The following ZC3H12B variants were observed in gnomAD, a reference collection of about 807,000 sequenced individuals.
ZC3H12B encodes the protein probable ribonuclease ZC3H12B.
Under a neutral mutation model 43.9 loss-of-function variants are expected in ZC3H12B, and 7 were observed. That is an observed-to-expected ratio of 0.16 (90% CI 0.09 to 0.30). The LOEUF is 0.30. ZC3H12B is among the 10% of genes least tolerant of loss of function. ZC3H12B has a pLI of 1.00. For synonymous variants in ZC3H12B, 222 were observed against 241.7 expected (o/e 0.92, Z 0.76); for missense variants, 475 against 670.2 (o/e 0.71, Z 3.22).
chrX:65,302,719 A>AG, the ZC3H12B span, among the ~76,000 whole-genome samples: 2 of 112,064 alleles, frequency 1.8e-5, no homozygotes, highest in African/African-American at 6.5e-5. Context: ...CTGAAGAACA[A>AG]GAAAGTCAGA....
rs914214767 is a variant in ZC3H12B, at chrX:65,420,435, C to A, written n.407+21731C>A. ...TTGTAGAACCTACCAGATAGTCCAC[C>A]CAGAATCTGGATGGGCAGATTGGTG... On this transcript the variant is annotated intron_variant and non_coding_transcript_variant, in intron 3 of 5. Transcript: ENST00000617377. Among the ~76,000 whole-genome samples the A allele has an allele frequency of 4.5e-5, 5 of 112,222 alleles. 1 individual carries two copies. The highest frequency in any genetic ancestry group is 1.6e-4 in the African/African-American group (5 of 30,858).
the ZC3H12B span, among the ~76,000 whole-genome samples, chrX:65,055,990 T>C: frequency 5.4e-5 from 6 of 112,066 alleles, no homozygotes; most frequent in African/African-American, 1.6e-4. Flanking sequence ...TCTTCTTTTT[T>C]AGTCTTGCTA....
chrX:65,093,397 A>G, the ZC3H12B span, among the ~76,000 whole-genome samples: 1 of 111,727 alleles, frequency 9.0e-6, no homozygotes, highest in East Asian at 2.8e-4. Context: ...AGACTCCAGA[A>G]TGGTAGATCC....
the ZC3H12B span, among the ~76,000 whole-genome samples, chrX:65,207,761 C>G: frequency 3.3e-3 from 235 of 71,761 alleles, 1 homozygote; most frequent in Non-Finnish European, 4.3e-3. Flanking sequence ...TGTAAATTAC[C>G]TTGGGCAGTA....
At chrX:65,373,922 C>CTATATATATAGTATATATATATAGT (rs1569379655) in intron 2 of ZC3H12B, among the ~76,000 whole-genome samples, 31 of 54,850 alleles carry the variant, frequency 5.7e-4, no homozygotes, top group Middle Eastern at 9.5e-3. Flanking sequence ...TATATATATA[C>CTATATATATAGTATATATATATAGT]TATATATATA....
the ZC3H12B span, among the ~76,000 whole-genome samples, chrX:65,266,525 GA>G: frequency 8.9e-6 from 1 of 112,011 alleles, no homozygotes; most frequent in Non-Finnish European, 1.9e-5. Flanking sequence ...GGGAATTTAG[GA>G]AAAAACTTAA....
At chrX:65,110,396 T>C in the ZC3H12B span, among the ~76,000 whole-genome samples, 1 of 110,568 alleles carries the variant, frequency 9.0e-6, no homozygotes, top group East Asian at 2.8e-4. Flanking sequence ...TCTGCTTTTT[T>C]TTTTTTTGCT....
At chrX:65,254,933 A>G in the ZC3H12B span, among the ~76,000 whole-genome samples, 1 of 112,106 alleles carries the variant, frequency 8.9e-6, no homozygotes, top group Non-Finnish European at 1.9e-5. Context: ...AAGTATTAAC[A>G]GCAGAATCAA....
chrX:65,223,917 G>A, the ZC3H12B span, among the ~76,000 whole-genome samples: 1 of 112,181 alleles, frequency 8.9e-6, no homozygotes, highest in Non-Finnish European at 1.9e-5. Context: ...ACTAAAAGTA[G>A]ATCTACCATT....
chrX:65,058,597 C>A, the ZC3H12B span, among the ~76,000 whole-genome samples: 1 of 112,005 alleles, frequency 8.9e-6, no homozygotes, highest in South Asian at 3.7e-4. Flanking sequence ...CTACTGTCTT[C>A]CAAGCTGTCA....
the ZC3H12B span, among the ~76,000 whole-genome samples, chrX:65,268,419 A>T: frequency 8.9e-6 from 1 of 112,193 alleles, no homozygotes; most frequent in Non-Finnish European, 1.9e-5. Flanking sequence ...TATGAGGCCA[A>T]CATCACCTTG....
the ZC3H12B span, among the ~76,000 whole-genome samples, chrX:65,044,177 G>T: frequency 8.9e-6 from 1 of 112,082 alleles, no homozygotes; most frequent in Non-Finnish European, 1.9e-5. Flanking sequence ...GGTCAAGAAA[G>T]GGTATCTGAT....
At chrX:65,466,182 A>T (rs1306479963) in intron 3 of ZC3H12B, among the ~76,000 whole-genome samples, 1 of 110,746 alleles carries the variant, frequency 9.0e-6, no homozygotes, top group East Asian at 2.8e-4. Flanking sequence ...AGCCCCCAGT[A>T]ACCACTCTTC....
At chrX:65,080,499 A>T in the ZC3H12B span, among the ~76,000 whole-genome samples, 3 of 111,612 alleles carry the variant, frequency 2.7e-5, no homozygotes, top group South Asian at 7.5e-4. Context: ...AGAAACAATT[A>T]ACATACAATG....
At chrX:65,412,656 C>G (rs2066916930) in intron 3 of ZC3H12B, among the ~76,000 whole-genome samples, 1 of 110,660 alleles carries the variant, frequency 9.0e-6, no homozygotes, top group Non-Finnish European at 1.9e-5. Flanking sequence ...TTTGTAGAGA[C>G]AGGGTTTCAC....
chrX:65,336,906 C>A, the ZC3H12B span, among the ~76,000 whole-genome samples: 2 of 112,120 alleles, frequency 1.8e-5, no homozygotes, highest in Non-Finnish European at 3.8e-5. Flanking sequence ...GACTGCAAGG[C>A]AAATTAATCC....
the ZC3H12B span, among the ~76,000 whole-genome samples, chrX:65,262,906 C>T: frequency 1.2e-4 from 13 of 110,669 alleles, no homozygotes; most frequent in Non-Finnish European, 1.9e-5. Flanking sequence ...CCCTCCCCTC[C>T]TTATAATATA....
At chrX:65,441,573 C>T (rs1020091131) in intron 3 of ZC3H12B, among the ~76,000 whole-genome samples, 1 of 112,158 alleles carries the variant, frequency 8.9e-6, no homozygotes, top group Non-Finnish European at 1.9e-5. Context: ...GCTCTCCTGG[C>T]TCTGCTTTCC....
chrX:65,079,362 G>T, the ZC3H12B span, among the ~76,000 whole-genome samples: 1 of 112,356 alleles, frequency 8.9e-6, no homozygotes, highest in African/African-American at 3.2e-5. Context: ...TTAAAGAGCT[G>T]CAGGGCCTGG....
Sources: gnomAD v4.1 joint callset for allele counts (sites outside exome capture counted in the v4.1 genomes callset) on GRCh38, gnomAD v4.1.1 for gene constraint, MANE v1.5 for transcripts, NCBI Gene and HGNC (gene_info 2026-07-23, HGNC 2026-07-21) for gene names.